Variants in UBE2E2 observed in about 807,000 individuals in gnomAD.
The protein encoded by UBE2E2 is ubiquitin-conjugating enzyme E2 E2.
In UBE2E2, 6 loss-of-function variants were observed where a neutral mutation model predicts 24.7. The ratio of observed to expected loss-of-function variants is 0.24; its 90% CI spans 0.13 to 0.48. UBE2E2 has a LOEUF of 0.48. UBE2E2 is among the 20% of genes least tolerant of loss of function. The pLI, the probability that UBE2E2 is intolerant of heterozygous loss-of-function variation, is 0.99. For synonymous variants in UBE2E2, 104 were observed against 83.6 expected (o/e 1.24, Z -1.33); for missense variants, 169 against 245.0 (o/e 0.69, Z 2.07).
Position 23,590,417 on chromosome 3 carries a change from G to A in UBE2E2, c.*586G>A, listed in dbSNP as rs1696734064. 6.6e-6 allele frequency: 1 copy of A among 152,616 alleles called. No homozygotes were observed. The highest frequency in any genetic ancestry group is 2.4e-5 in the African/African-American group (1 of 41,412). 9.5% of individuals were successfully genotyped at this position (152,616 alleles called of 1,614,324 possible). ...AGACTCTGTTTATCACTAGCCTTCT[G>A]TCCCTCCCGCAGAAGACTGTTGGAT... On this transcript the variant is annotated 3_prime_UTR_variant, in exon 6 of 6. Coordinates refer to ENST00000396703, the MANE Select transcript of UBE2E2 (RefSeq NM_152653.4).
intron 5 of UBE2E2, among the ~76,000 whole-genome samples, chr3:23,582,606 A>G (rs1696509406): frequency 6.6e-6 from 1 of 152,138 alleles, no homozygotes; most frequent in Non-Finnish European, 1.5e-5. Flanking sequence ...TCTGACTGGT[A>G]TGTGATGATA....
intron 3 of UBE2E2, among the ~76,000 whole-genome samples, chr3:23,431,654 A>C (rs1303480762): frequency 1.3e-5 from 2 of 152,188 alleles, no homozygotes; most frequent in African/African-American, 4.8e-5. Context: ...ACATCTTCAG[A>C]TCTCCTCTTT....
chr3:23,500,296 TTATAA>T (rs1699692941), intron 4 of UBE2E2, among the ~76,000 whole-genome samples: 1 of 152,170 alleles, frequency 6.6e-6, no homozygotes, highest in African/African-American at 2.4e-5. Context: ...CGTAAAGTAT[TTATAA>T]TAGTTCATTA....
intron 3 of UBE2E2, among the ~76,000 whole-genome samples, chr3:23,271,618 G>A (rs1439896501): frequency 3.3e-5 from 5 of 152,104 alleles, no homozygotes; most frequent in Admixed American, 6.5e-5. Flanking sequence ...TGATTGGTGC[G>A]TTTACAATCC....
chr3:23,242,393 G>GC (rs375069124), intron 3 of UBE2E2, among the ~76,000 whole-genome samples: 16 of 102,838 alleles, frequency 1.6e-4, no homozygotes, highest in East Asian at 2.8e-4. Context: ...CCCGCCCCCC[G>GC]CCCCCCCAGT....
At chr3:23,255,750 C>G (rs1301030661) in intron 3 of UBE2E2, among the ~76,000 whole-genome samples, 1 of 152,142 alleles carries the variant, frequency 6.6e-6, no homozygotes. Context: ...AAAATCTAAA[C>G]TATTTTACTA....
At chr3:23,477,223 C>T (rs905734810) in intron 3 of UBE2E2, among the ~76,000 whole-genome samples, 1 of 152,150 alleles carries the variant, frequency 6.6e-6, no homozygotes, top group Non-Finnish European at 1.5e-5. Flanking sequence ...TACTACACTT[C>T]ACAGAGAAAG....
At chr3:23,348,878 G>C (rs947892858) in intron 3 of UBE2E2, among the ~76,000 whole-genome samples, 2 of 152,138 alleles carry the variant, frequency 1.3e-5, no homozygotes, top group Non-Finnish European at 2.9e-5. Flanking sequence ...TCATAGCACA[G>C]TAGTAATGAA....
intron 3 of UBE2E2, among the ~76,000 whole-genome samples, chr3:23,264,200 C>G (rs1333592690): frequency 6.6e-6 from 1 of 152,054 alleles, no homozygotes; most frequent in Non-Finnish European, 1.5e-5. Flanking sequence ...CCTTTGCTCC[C>G]TAATCTCTAC....
chr3:23,556,017 G>A (rs73045633), intron 5 of UBE2E2, among the ~76,000 whole-genome samples: 1,756 of 152,176 alleles, frequency 0.012, 17 homozygotes, highest in Non-Finnish European at 0.019. Flanking sequence ...TCTTGCCATG[G>A]GGGTGGGGAG....
chr3:23,400,714 C>G (rs1697202991), intron 3 of UBE2E2, among the ~76,000 whole-genome samples: 1 of 152,064 alleles, frequency 6.6e-6, no homozygotes, highest in South Asian at 2.1e-4. Context: ...AAGCCACATT[C>G]CCTATCAAAT....
At chr3:23,308,323 A>G (rs1163822480) in intron 3 of UBE2E2, among the ~76,000 whole-genome samples, 1 of 152,222 alleles carries the variant, frequency 6.6e-6, no homozygotes, top group Non-Finnish European at 1.5e-5. Flanking sequence ...AGGATGACAG[A>G]CATGAGTTCT....
intron 4 of UBE2E2, 127 bp downstream of exon 4, chr3:23,499,867 G>A (rs1457885733): frequency 1.7e-6 from 2 of 1,156,688 alleles, no homozygotes; most frequent in East Asian, 2.8e-5. Context: ...TCCCAGGATT[G>A]ATAGTGTATA....
intron 3 of UBE2E2, among the ~76,000 whole-genome samples, chr3:23,295,910 T>A (rs551906923): frequency 2.0e-5 from 3 of 152,312 alleles, no homozygotes; most frequent in Non-Finnish European, 4.4e-5. Flanking sequence ...AGCCACCCTT[T>A]CCTGCCACAA....
At chr3:23,289,276 T>A (rs1350249568) in intron 3 of UBE2E2, among the ~76,000 whole-genome samples, 1 of 152,234 alleles carries the variant, frequency 6.6e-6, no homozygotes, top group Non-Finnish European at 1.5e-5. Flanking sequence ...TTGTTGAAGC[T>A]GAATGAGGGA....
At chr3:23,426,776 A>C (rs1240645164) in intron 3 of UBE2E2, among the ~76,000 whole-genome samples, 1 of 152,196 alleles carries the variant, frequency 6.6e-6, no homozygotes, top group Non-Finnish European at 1.5e-5. Flanking sequence ...CATAGGTCAA[A>C]AACTGGGATC....
chr3:23,416,321 G>T (rs1183421755), intron 3 of UBE2E2, among the ~76,000 whole-genome samples: 1 of 152,182 alleles, frequency 6.6e-6, no homozygotes, highest in African/African-American at 2.4e-5. Flanking sequence ...TGTTAGTTTG[G>T]CTGGATGTGA....
intron 3 of UBE2E2, among the ~76,000 whole-genome samples, chr3:23,231,141 T>G (rs4241511): frequency 0.62 from 93,558 of 151,972 alleles, 29,356 homozygotes; most frequent in South Asian, 0.68. Flanking sequence ...TTTCCCAGAT[T>G]CTGGACCCTA....
Position 23,504,887 on chromosome 3 carries a change from A to C in UBE2E2, c.360+5147A>C, listed in dbSNP as rs140196771. Among the ~76,000 whole-genome samples the C allele has an allele frequency of 6.4e-5, 9 of 141,372 alleles. No individual in the cohort carries two copies. In the East Asian group the frequency reaches 1.9e-3, roughly 30 times the overall value. 92.7% of individuals were successfully genotyped at this position (141,372 alleles called of 152,430 possible). ...GAAAATATTGTGACACTCTGTGTCTAATGTTTCTGTTTCAGACATTCTTTC... is the reference window on the plus strand; with the variant it reads ...GAAAATATTGTGACACTCTGTGTCTCATGTTTCTGTTTCAGACATTCTTTC... On this transcript the variant is annotated intron_variant, in intron 4 of 5. Transcript: ENST00000396703.
Sources: allele counts gnomAD v4.1 joint callset (sites outside exome capture counted in the v4.1 genomes callset), GRCh38; gene constraint gnomAD v4.1.1; transcripts MANE v1.5; gene names NCBI Gene and HGNC (gene_info 2026-07-23, HGNC 2026-07-21).